ZSCAN23: variants seen among roughly 807,000 people sequenced by gnomAD.
ZSCAN23 encodes zinc finger and SCAN domain-containing protein 23.
Under a neutral mutation model 19.3 loss-of-function variants are expected in ZSCAN23, and 19 were observed. The observed-to-expected ratio is 0.99, with a 90% CI of 0.69 to 1.45. The LOEUF is 1.45. Ranked by LOEUF, ZSCAN23 falls within the 40% of genes most tolerant of loss-of-function variation. The pLI, the probability that ZSCAN23 is intolerant of heterozygous loss-of-function variation, is 0.00. For synonymous variants in ZSCAN23, 140 were observed against 166.2 expected (o/e 0.84, Z 1.21); for missense variants, 372 against 462.5 (o/e 0.80, Z 1.79).
the ZSCAN23 span, among the ~76,000 whole-genome samples, chr6:28,423,313 T>G: frequency 6.6e-6 from 1 of 152,218 alleles, no homozygotes; most frequent in Non-Finnish European, 1.5e-5. Flanking sequence ...CTAACTACGC[T>G]AGAGAAGTTA....
At chr6:28,441,772 A>G (rs929531591) in intron 1 of ZSCAN23, among the ~76,000 whole-genome samples, 2 of 151,832 alleles carry the variant, frequency 1.3e-5, no homozygotes, top group Non-Finnish European at 2.9e-5. Flanking sequence ...ATGTATACAC[A>G]TGTGCACACA....
chr6:28,428,665 T>C (rs1255326248), downstream of ZSCAN23, among the ~76,000 whole-genome samples: 3 of 152,186 alleles, frequency 2.0e-5, no homozygotes, highest in African/African-American at 7.2e-5. Flanking sequence ...CCCTTTCCAA[T>C]TCATTCACCA....
chr6:28,437,233 A>G (rs1400056799), intron 1 of ZSCAN23, among the ~76,000 whole-genome samples: 1 of 152,238 alleles, frequency 6.6e-6, no homozygotes, highest in Admixed American at 6.5e-5. Context: ...AAACAGGAGT[A>G]GAATTTGACC....
Position 28,435,067 on chromosome 6 carries a change from C to G in ZSCAN23, c.568G>C (p.Gly190Arg). The change falls in exon 4 of 4, where the codon GGG becomes CGG. Residue 190 changes from glycine to arginine, a missense_variant. Transcript: ENST00000289788. ...CPVQEIDGKA[G>R]TWNVELAPKR... ...GGGGCTAACTCCACATTCCAAGTCC[C>G]AGCCTTGCCATCTAAAATAACGATA... 2.6e-6 allele frequency: 4 copies of G among 1,529,648 alleles called. No individual in the cohort carries two copies. Among genetic ancestry groups the G allele is most frequent in the Non-Finnish European group, 2.6e-6 (3 of 1,136,020 alleles). The allele number at this position is 1,529,648 out of a possible 1,614,324, so 94.8% of individuals were successfully genotyped here.
intron 1 of ZSCAN23, among the ~76,000 whole-genome samples, chr6:28,442,500 G>C (rs950911735): frequency 2.0e-5 from 3 of 152,172 alleles, no homozygotes; most frequent in African/African-American, 7.2e-5. Context: ...TAAAACGGCT[G>C]TTTCATCAGG....
At chr6:28,423,523 G>T in the ZSCAN23 span, among the ~76,000 whole-genome samples, 2 of 152,246 alleles carry the variant, frequency 1.3e-5, no homozygotes, top group East Asian at 3.9e-4. Flanking sequence ...GTTCCAAGAC[G>T]TGTTCCTTGC....
chr6:28,435,591 T>C lies in ZSCAN23; in HGVS notation c.425A>G (p.His142Arg). Reference protein sequence around the residue: ...DPGEQVLSHAHEQEEFVKEKA... With the variant: ...DPGEQVLSHAREQEEFVKEKA... ...CTCCTTTACAAACTCTTCCTGTTCATGAGCATGGCTCAGGACCTGGTGGAA... is the reference window on the plus strand; with the variant it reads ...CTCCTTTACAAACTCTTCCTGTTCACGAGCATGGCTCAGGACCTGGTGGAA... Residue 142 changes from histidine to arginine, a missense_variant, in exon 3 of 4, where the codon CAT becomes CGT. Transcript: ENST00000289788. The C allele has an allele frequency of 6.4e-7, 1 of 1,551,564 alleles. No individual in the cohort carries two copies. Among genetic ancestry groups the C allele is most frequent in the Non-Finnish European group, 8.7e-7 (1 of 1,146,944 alleles).
At chr6:28,429,808 T>C (rs1253465978), downstream of ZSCAN23, among the ~76,000 whole-genome samples, 1 of 152,188 alleles carries the variant, frequency 6.6e-6, no homozygotes, top group Non-Finnish European at 1.5e-5. Context: ...TACCGTTATC[T>C]CTGGATCGCT....
chr6:28,434,362 TA>T lies in ZSCAN23; in HGVS notation c.*102del. The T allele has an allele frequency of 1.5e-6, 2 of 1,349,898 alleles. No homozygotes were observed. Among genetic ancestry groups the T allele is most frequent in the East Asian group, 2.5e-5 (1 of 39,494 alleles). 83.6% of individuals were successfully genotyped at this position (1,349,898 alleles called of 1,614,324 possible). On this transcript the variant is annotated 3_prime_UTR_variant, in exon 4 of 4. Transcript: ENST00000289788. ...TTAAGATATTATGCTTCTCTCTGCATAAAAGTAAGGGAATTTTTACTGGCTT... is the reference window on the plus strand; with the variant it reads ...TTAAGATATTATGCTTCTCTCTGCATAAAGTAAGGGAATTTTTACTGGCTT...
At chr6:28,442,756 C>T (rs1762026841) in intron 1 of ZSCAN23, among the ~76,000 whole-genome samples, 1 of 152,190 alleles carries the variant, frequency 6.6e-6, no homozygotes, top group African/African-American at 2.4e-5. Flanking sequence ...CTTACTCGCT[C>T]TACGACCTTG....
chr6:28,442,083 G>A lies in ZSCAN23; in HGVS notation c.-78+1316C>T, dbSNP rs1164049976. On this transcript the variant is annotated intron_variant, in intron 1 of 3. Transcript: ENST00000289788. ...AGTAGGATGGAGTTTCACCATATGG[G>A]TCAGGCTGGTCTCGAACTCCCGACC... Among the ~76,000 whole-genome samples the A allele has an allele frequency of 2.6e-5, 4 of 151,994 alleles. No homozygotes were observed. In the East Asian group the frequency reaches 7.8e-4, roughly 30 times the overall value.
In ZSCAN23 at chr6:28,436,120, T is replaced by A; in HGVS notation, c.147A>T (p.Arg49Ser). The change falls in exon 2 of 4, where the codon AGA (arginine) becomes AGT (serine). Residue 49 changes from arginine (R) to serine (S), a missense_variant. Coordinates refer to ENST00000289788, the MANE Select transcript of ZSCAN23 (RefSeq NM_001012455.2). ...CCTGATAGCAGAACTGCCTGAAGCG[T>A]CTACGAAAGATCTCTCTGGTATGAG... ...NNPHTREIFR[R>S]RFRQFCYQES... is the part of the protein sequence containing the mutation. The A allele has an allele frequency of 1.2e-6, 2 of 1,611,526 alleles. No individual in the cohort carries two copies. The highest frequency in any genetic ancestry group is 1.7e-6 in the Non-Finnish European group (2 of 1,178,658).
At chr6:28,425,921 T>G in the ZSCAN23 span, among the ~76,000 whole-genome samples, 1,316 of 152,352 alleles carry the variant, frequency 8.6e-3, 12 homozygotes, top group East Asian at 0.066. Flanking sequence ...TGTTATGTTG[T>G]GGAGACAGCT....
downstream of ZSCAN23, among the ~76,000 whole-genome samples, chr6:28,430,946 A>C (rs1048037840): frequency 3.9e-5 from 6 of 152,334 alleles, no homozygotes; most frequent in African/African-American, 1.2e-4. Flanking sequence ...CTTCTACAGT[A>C]TAAGGTTGAA....
Position 28,435,489 on chromosome 6 carries a change from A to G in ZSCAN23, c.527T>C (p.Leu176Ser). ...QTLEEQLGYN[L>S]REVCPVQEID... is the part of the protein sequence containing the mutation. The stretch of plus-strand genomic sequence containing the variant: ...CTCTTGAACTGGGCACACCTCTCGC[A>G]AATTATACCCAAGTTGCTCTTCCAA... Residue 176 changes from leucine (L) to serine (S), a missense_variant, in exon 3 of 4, where the codon TTG becomes TCG. By Grantham distance (145) the Leu-to-Ser change is moderately radical (BLOSUM62 -2). Transcript: ENST00000289788. 1 of 1,552,010 alleles carries G rather than the reference A, an allele frequency of 6.4e-7. No individual in the cohort carries two copies. The highest frequency in any genetic ancestry group is 2.4e-5 in the East Asian group (1 of 40,920).
At chr6:28,430,626 G>T (rs1761744471), downstream of ZSCAN23, among the ~76,000 whole-genome samples, 1 of 152,196 alleles carries the variant, frequency 6.6e-6, no homozygotes, top group Non-Finnish European at 1.5e-5. Flanking sequence ...CAATGAATTA[G>T]CAGAAGTCAG....
At position 28,434,023 on chromosome 6, in the gene ZSCAN23, A is replaced by G. The variant is rs1003303061; in HGVS notation, c.*442T>C. On this transcript the variant is annotated 3_prime_UTR_variant, in exon 4 of 4. Transcript: ENST00000289788. ...TTTGTAGGTTACAAAACAAATTATC[A>G]TATTTTATGTGAATGGAAAGAAGTC... 6.5e-6 allele frequency: 1 copy of G among 152,978 alleles called. No homozygotes were observed. The highest frequency in any genetic ancestry group is 1.5e-5 in the Non-Finnish European group (1 of 68,640). 9.5% of individuals were successfully genotyped at this position (152,978 alleles called of 1,614,324 possible).
chr6:28,435,695 G>T, intron 2 of ZSCAN23, 88 bp from the exon 3 acceptor site: 3 of 1,451,110 alleles, frequency 2.1e-6, no homozygotes. Flanking sequence ...AGAAAAGAAG[G>T]ACCAAGAAGC....
downstream of ZSCAN23, among the ~76,000 whole-genome samples, chr6:28,430,130 A>G (rs1013508853): frequency 6.6e-6 from 1 of 152,138 alleles, no homozygotes; most frequent in African/African-American, 2.4e-5. Context: ...AAGACACTTG[A>G]CTGCTCGCAC....
Sources: allele counts gnomAD v4.1 joint callset (sites outside exome capture counted in the v4.1 genomes callset), GRCh38; gene constraint gnomAD v4.1.1; transcripts MANE v1.5; gene names NCBI Gene and HGNC (gene_info 2026-07-23, HGNC 2026-07-21).